The following DENND1A variants were observed in gnomAD, a reference collection of about 807,000 sequenced individuals.
DENND1A encodes DENN domain containing 1A, also known as DENN domain-containing protein 1A.
A neutral mutation model predicts 113.7 loss-of-function variants in DENND1A; 51 were observed. The observed-to-expected ratio is 0.45, with a 90% CI of 0.36 to 0.57. DENND1A has a LOEUF of 0.57. Ranked by LOEUF, DENND1A falls within the 20% of genes least tolerant of loss-of-function variation. The probability of loss-of-function intolerance (pLI) is 0.00; values close to 1 mark genes in which losing one functional copy is unlikely to be tolerated. For synonymous variants in DENND1A, 565 were observed against 570.8 expected (o/e 0.99, Z 0.14); for missense variants, 1,258 against 1,395.9 (o/e 0.90, Z 1.57).
At chr9:123,495,147 C>CTCTCTCTCTG (rs2051780402) in intron 13 of DENND1A, among the ~76,000 whole-genome samples, 1 of 31,970 alleles carries the variant, frequency 3.1e-5, no homozygotes, top group South Asian at 1.6e-3. Context: ...CTCTTTCTCT[C>CTCTCTCTCTG]TCTCTCTCTC....
At chr9:123,530,599 A>G (rs2055215654) in intron 13 of DENND1A, among the ~76,000 whole-genome samples, 1 of 152,166 alleles carries the variant, frequency 6.6e-6, no homozygotes, top group Admixed American at 6.5e-5. Flanking sequence ...ACAACTAACT[A>G]CTGTCAATAT....
At chr9:123,468,506 C>G (rs1057331143) in intron 13 of DENND1A, among the ~76,000 whole-genome samples, 2 of 152,164 alleles carry the variant, frequency 1.3e-5, no homozygotes, top group Non-Finnish European at 2.9e-5. Flanking sequence ...GGGAATTTGG[C>G]CCTATTTCTC....
chr9:123,894,220 T>C (rs1366915076), intron 1 of DENND1A, among the ~76,000 whole-genome samples: 2 of 152,206 alleles, frequency 1.3e-5, no homozygotes, highest in African/African-American at 2.4e-5. Context: ...GATGAGTAAG[T>C]GACTCATGAT....
At chr9:123,826,486 C>T (rs1025352097) in intron 2 of DENND1A, among the ~76,000 whole-genome samples, 7 of 152,158 alleles carry the variant, frequency 4.6e-5, no homozygotes, top group Admixed American at 1.3e-4. Flanking sequence ...TGTTCTCCCC[C>T]ATGCCCCTCA....
chr9:123,610,997 A>G (rs957900773), intron 10 of DENND1A, among the ~76,000 whole-genome samples: 2 of 152,276 alleles, frequency 1.3e-5, no homozygotes, highest in African/African-American at 4.8e-5. Context: ...TCCCCAGAAT[A>G]TAAAATGTCC....
At chr9:123,762,514 C>A (rs1183734005) in intron 4 of DENND1A, among the ~76,000 whole-genome samples, 1 of 152,196 alleles carries the variant, frequency 6.6e-6, no homozygotes, top group East Asian at 1.9e-4. Context: ...ATTCTAGTCT[C>A]CCAGTGAGAA....
chr9:123,466,459 C>G lies in DENND1A; in HGVS notation c.994-8562G>C, dbSNP rs542377812. ...GGATTACAGGCACCTGCCACCACACCCAGCTAATTTTTGCATTTTTCATAG... is the reference window on the plus strand; with the variant it reads ...GGATTACAGGCACCTGCCACCACACGCAGCTAATTTTTGCATTTTTCATAG... On this transcript the variant is annotated intron_variant, in intron 13 of 23. Coordinates refer to ENST00000394215, the MANE Select transcript of DENND1A (RefSeq NM_001352964.2). Among the ~76,000 whole-genome samples the G allele has an allele frequency of 7.9e-5, 12 of 152,242 alleles. 1 individual carries two copies. The East Asian group carries it at 1.7e-3, about 22-fold the overall frequency.
chr9:123,735,305 A>ACT (rs149871766), intron 5 of DENND1A, among the ~76,000 whole-genome samples: 10 of 151,504 alleles, frequency 6.6e-5, no homozygotes, highest in South Asian at 2.1e-4. Context: ...TAATTTGTAC[A>ACT]CTCTCTCTCT....
intron 2 of DENND1A, among the ~76,000 whole-genome samples, chr9:123,846,930 G>A (rs1842704007): frequency 6.6e-6 from 1 of 151,992 alleles, no homozygotes; most frequent in Non-Finnish European, 1.5e-5. Flanking sequence ...TTATTAATGG[G>A]CAAATTGTAT....
chr9:123,402,688 AAG>A, intron 21 of DENND1A: 1 of 514,304 alleles, frequency 1.9e-6, no homozygotes, highest in Non-Finnish European at 4.0e-6. Flanking sequence ...TTTGCGGACA[AAG>A]GGAAGCAGTG....
At chr9:123,466,232 C>T (rs1021419068) in intron 13 of DENND1A, among the ~76,000 whole-genome samples, 3 of 152,050 alleles carry the variant, frequency 2.0e-5, no homozygotes, top group East Asian at 1.9e-4. Flanking sequence ...CTCCTAACCT[C>T]ATGATCCTCT....
intron 12 of DENND1A, among the ~76,000 whole-genome samples, chr9:123,581,351 C>T (rs112012842): frequency 8.5e-5 from 13 of 152,084 alleles, no homozygotes; most frequent in Non-Finnish European, 1.5e-4. Flanking sequence ...AATCCTGTTA[C>T]GGCTGGGCAC....
chr9:123,920,775 G>A (rs534663109), intron 1 of DENND1A, among the ~76,000 whole-genome samples: 145 of 148,930 alleles, frequency 9.7e-4, no homozygotes, highest in African/African-American at 3.4e-3. Flanking sequence ...GTTTTGCCAT[G>A]TTGGCCCAAC....
intron 2 of DENND1A, among the ~76,000 whole-genome samples, chr9:123,803,237 T>C (rs1835001930): frequency 6.6e-6 from 1 of 152,204 alleles, no homozygotes; most frequent in African/African-American, 2.4e-5. Context: ...TGACACCTTA[T>C]AGTTTAAGGT....
intron 4 of DENND1A, among the ~76,000 whole-genome samples, chr9:123,767,000 C>T (rs73667919): frequency 0.078 from 11,815 of 151,988 alleles, 932 homozygotes; most frequent in African/African-American, 0.2. Context: ...CTTTTTTGAA[C>T]GCAATCACCT....
At chr9:123,863,148 A>G (rs747714263) in intron 2 of DENND1A, among the ~76,000 whole-genome samples, 1 of 152,196 alleles carries the variant, frequency 6.6e-6, no homozygotes, top group Non-Finnish European at 1.5e-5. Flanking sequence ...AAATATTTCC[A>G]TGCATAACCA....
At chr9:123,630,568 T>C (rs2061433833) in intron 9 of DENND1A, 92 bp from the exon 10 acceptor site, 1 of 814,514 alleles carries the variant, frequency 1.2e-6, no homozygotes, top group Non-Finnish European at 1.8e-6. Flanking sequence ...AATTCTTCAA[T>C]ATGTTTACAT....
chr9:123,912,252 AG>A (rs1706483561), intron 1 of DENND1A, among the ~76,000 whole-genome samples: 1 of 152,172 alleles, frequency 6.6e-6, no homozygotes, highest in African/African-American at 2.4e-5. Context: ...ATTACATATA[AG>A]ACAAACATAA....
chr9:123,838,658 A>C (rs552952306), intron 2 of DENND1A, among the ~76,000 whole-genome samples: 1 of 152,348 alleles, frequency 6.6e-6, no homozygotes, highest in African/African-American at 2.4e-5. Flanking sequence ...CAATCATTCA[A>C]GGCGGTACCT....
Sources: allele counts gnomAD v4.1 joint callset (sites outside exome capture counted in the v4.1 genomes callset), GRCh38; gene constraint gnomAD v4.1.1; transcripts MANE v1.5; gene names NCBI Gene and HGNC (gene_info 2026-07-23, HGNC 2026-07-21).